ABHD2: variants seen among roughly 807,000 people sequenced by gnomAD.
The protein encoded by ABHD2 is monoacylglycerol lipase ABHD2.
In ABHD2, 20 loss-of-function variants were observed where a neutral mutation model predicts 48.1. The observed-to-expected ratio is 0.42, with a 90% CI of 0.29 to 0.60. The LOEUF (loss-of-function observed/expected upper bound fraction) is 0.60, where lower values mean the gene tolerates loss of function less well. Among genes scored for constraint, ABHD2 ranks in the 20% least tolerant of loss-of-function variants. The pLI is 0.24. For missense variants in ABHD2, 405 were observed against 550.9 expected, an observed-to-expected ratio of 0.74 and a Z score of 2.65; for synonymous variants, 209 against 214.2, an observed-to-expected ratio of 0.98 and a Z score of 0.21.
chr15:89,191,246 A>C, intron 9 of ABHD2, 97 bp downstream of exon 9: 58 of 1,270,886 alleles, frequency 4.6e-5, no homozygotes, highest in Non-Finnish European at 5.8e-5. Flanking sequence ...GTGGAAGCTC[A>C]GCTGGAATCT....
Position 89,183,384 on chromosome 15 carries a change from A to AAAAAAAATATATAT in ABHD2, c.723-2039_723-2038insAAAAAATATATATA, listed in dbSNP as rs61602174. On this transcript the variant is annotated intron_variant, in intron 6 of 10. Transcript: ENST00000352732. ...AGTCCTTTTCAAAAAAAAAAAAAAA[A>AAAAAAAATATATAT]ATATATATATATATATATATATATA... 43 of 46,258 alleles carry AAAAAAAATATATAT rather than the reference A, an allele frequency of 9.3e-4. 2 individuals are homozygous for AAAAAAAATATATAT. The highest frequency in any genetic ancestry group is 1.6e-3 in the East Asian group (2 of 1,286). The allele number at this position is 46,258 out of a possible 1,614,324, so 2.9% of individuals were successfully genotyped here.
chr15:89,089,002 C>T (rs1368259819), intron 1 of ABHD2, among the ~76,000 whole-genome samples: 14 of 152,242 alleles, frequency 9.2e-5, no homozygotes, highest in Non-Finnish European at 2.1e-4. Context: ...TTTCGGGGCT[C>T]CAGGGGCTCA....
chr15:89,077,269 C>T, the ABHD2 span, among the ~76,000 whole-genome samples: 1 of 152,300 alleles, frequency 6.6e-6, no homozygotes, highest in Non-Finnish European at 1.5e-5. Flanking sequence ...GGATGACTGG[C>T]TTCTTTCACT....
chr15:89,071,811 C>T, the ABHD2 span, among the ~76,000 whole-genome samples: 1 of 152,196 alleles, frequency 6.6e-6, no homozygotes, highest in Non-Finnish European at 1.5e-5. Context: ...GTTTATCCTA[C>T]AGGGTCCCTC....
In ABHD2 at chr15:89,195,457, C is replaced by T. The variant is rs773912235; in HGVS notation, c.*34C>T. The T allele has an allele frequency of 6.3e-6, 10 of 1,598,004 alleles. No individual in the cohort carries two copies. The highest frequency in any genetic ancestry group is 2.7e-5 in the African/African-American group (2 of 74,592). The stretch of plus-strand genomic sequence containing the variant: ...GACTCTGGCACGCTCCAGCAGCCCT[C>T]CTCTGGAAGCTGCGTCCCCTCACCC... On this transcript the variant is annotated 3_prime_UTR_variant, in exon 11 of 11. Coordinates refer to ENST00000352732, the MANE Select transcript of ABHD2 (RefSeq NM_152924.5). This position sits in a 1 kb window ranked among gnomAD's most constrained non-coding sequence, Gnocchi z 5.1.
intron 3 of ABHD2, among the ~76,000 whole-genome samples, chr15:89,135,145 T>TTTCTTG (rs376776426): frequency 1.0e-5 from 1 of 99,002 alleles, no homozygotes; most frequent in African/African-American, 3.2e-5. Flanking sequence ...AACTTTTTCT[T>TTTCTTG]TTTTTTTTTT....
In ABHD2 at chr15:89,186,362, T is replaced by G. The variant is rs908087787; in HGVS notation, c.815+846T>G. Among the ~76,000 whole-genome samples, 1 of 152,192 alleles carries G rather than the reference T, an allele frequency of 6.6e-6. No individual in the cohort carries two copies. The highest frequency in any genetic ancestry group is 1.5e-5 in the Non-Finnish European group (1 of 68,026). On this transcript the variant is annotated intron_variant, in intron 7 of 10. Coordinates refer to ENST00000352732, the MANE Select transcript of ABHD2 (RefSeq NM_152924.5). The surrounding 1 kb of genome is among the most constrained non-coding windows in gnomAD (Gnocchi z 4.3). ...TGTTATGCATAGCACCAGATAAATA[T>G]TAGCAATGACTTTTTCATTATGATT...
At chr15:89,078,673 A>T in the ABHD2 span, among the ~76,000 whole-genome samples, 1 of 151,312 alleles carries the variant, frequency 6.6e-6, no homozygotes, top group Non-Finnish European at 1.5e-5. Context: ...TATCCTCCTG[A>T]TGAACTACCC....
chr15:89,127,392 C>A (rs940923186), intron 3 of ABHD2, among the ~76,000 whole-genome samples: 4 of 152,038 alleles, frequency 2.6e-5, no homozygotes, highest in Non-Finnish European at 4.4e-5. Context: ...TGTAGCCTCC[C>A]AGGAAGGGAG....
rs1365167376 is a variant in ABHD2, at chr15:89,200,740, G to GA, written c.*5320dup. 2 of 230,982 alleles carry GA rather than the reference G, an allele frequency of 8.7e-6. No individual in the cohort carries two copies. The highest frequency in any genetic ancestry group is 4.7e-5 in the African/African-American group (2 of 42,570). 14.3% of individuals were successfully genotyped at this position (230,982 alleles called of 1,614,324 possible). A position where few individuals can be genotyped will look rare whatever the true frequency, so the allele number is the denominator to read the frequency against. On this transcript the variant is annotated 3_prime_UTR_variant, in exon 11 of 11. Transcript: ENST00000352732. ...TCTTCTGGTCAAGAGAAAAAAAAAA[G>GA]AAATAGCACTCTGCATGCTTTGCTC...
At position 89,197,091 on chromosome 15, in the gene ABHD2, C is replaced by T. The variant is rs1048776306; in HGVS notation, c.*1668C>T. 1 of 152,672 alleles carries T rather than the reference C, an allele frequency of 6.5e-6. No homozygotes were observed. The highest frequency in any genetic ancestry group is 1.5e-5 in the Non-Finnish European group (1 of 68,066). 9.5% of individuals were successfully genotyped at this position (152,672 alleles called of 1,614,324 possible). ...GGCGCCTGAGTGCCAACCCTCAGGG[C>T]CACAGGTGGGTGTGGTTTGGGCACG... On this transcript the variant is annotated 3_prime_UTR_variant, in exon 11 of 11. Transcript: ENST00000352732. The surrounding 1 kb of genome is among the most constrained non-coding windows in gnomAD (Gnocchi z 4.4).
intron 3 of ABHD2, among the ~76,000 whole-genome samples, chr15:89,125,172 C>G (rs912066584): frequency 6.6e-6 from 1 of 151,788 alleles, no homozygotes; most frequent in Non-Finnish European, 1.5e-5. Context: ...AGAAGAATCA[C>G]TTGAACCTGT....
chr15:89,162,015 G>T (rs538765221), intron 5 of ABHD2, among the ~76,000 whole-genome samples: 1 of 152,226 alleles, frequency 6.6e-6, no homozygotes, highest in African/African-American at 2.4e-5. Flanking sequence ...ATCTCTCTGT[G>T]TCCTAATCTC....
the ABHD2 span, among the ~76,000 whole-genome samples, chr15:89,045,614 A>G: frequency 6.6e-6 from 1 of 152,162 alleles, no homozygotes; most frequent in African/African-American, 2.4e-5. Context: ...GAGGTCCTTC[A>G]CATCCCTTGT....
the ABHD2 span, among the ~76,000 whole-genome samples, chr15:89,049,553 T>C: frequency 6.6e-6 from 1 of 152,246 alleles, no homozygotes; most frequent in African/African-American, 2.4e-5. Flanking sequence ...TCCGTGGGCG[T>C]AGGACCCTCT....
At position 89,185,281 on chromosome 15, in the gene ABHD2, G is replaced by C. The variant is rs2051187310; in HGVS notation, c.723-143G>C. 3.2e-6 allele frequency: 2 copies of C among 625,754 alleles called. No individual in the cohort carries two copies. Among genetic ancestry groups the C allele is most frequent in the Admixed American group, 3.0e-5 (1 of 33,824 alleles). 38.8% of individuals were successfully genotyped at this position (625,754 alleles called of 1,614,324 possible). On this transcript the variant is annotated intron_variant, in intron 6 of 10. Coordinates refer to ENST00000352732, the MANE Select transcript of ABHD2 (RefSeq NM_152924.5). This position sits in a 1 kb window ranked among gnomAD's most constrained non-coding sequence, Gnocchi z 5.9. Reference sequence around the variant, plus strand: ...ACAGGTGTTTGAGCTCTGCACATTAGAGCCTCTGTTTTAATGCAGAGGCCA... The same window carrying C: ...ACAGGTGTTTGAGCTCTGCACATTACAGCCTCTGTTTTAATGCAGAGGCCA...
Position 89,198,121 on chromosome 15 carries a change from T to G in ABHD2, c.*2698T>G, listed in dbSNP as rs530582690. ...TCTTCCCAAAGTCATTCATTTCTGA[T>G]GAGTATATGAATCCCCCTCTTGCTA... is the stretch of plus-strand genomic sequence containing the variant. On this transcript the variant is annotated 3_prime_UTR_variant, in exon 11 of 11. Transcript: ENST00000352732. This position sits in a 1 kb window ranked among gnomAD's most constrained non-coding sequence, Gnocchi z 5.1. 3.9e-5 allele frequency: 6 copies of G among 152,352 alleles called. No homozygotes were observed. The East Asian group carries it at 1.2e-3, about 29-fold the overall frequency. 9.4% of individuals were successfully genotyped at this position (152,352 alleles called of 1,614,324 possible).
chr15:89,053,141 T>G, the ABHD2 span, among the ~76,000 whole-genome samples: 1 of 152,056 alleles, frequency 6.6e-6, no homozygotes, highest in Non-Finnish European at 1.5e-5. Context: ...CAATTTTTTG[T>G]ATTTTTAGTA....
chr15:89,148,380 C>T (rs541306956), intron 3 of ABHD2, among the ~76,000 whole-genome samples: 2 of 152,134 alleles, frequency 1.3e-5, no homozygotes, highest in South Asian at 4.2e-4. Context: ...CAACCTTAAA[C>T]ACAAGTTGAA....
Sources: gnomAD v4.1 joint callset for allele counts (sites outside exome capture counted in the v4.1 genomes callset) on GRCh38, gnomAD v4.1.1 for gene constraint, Gnocchi (gnomAD v3.1) non-coding constraint, MANE v1.5 for transcripts, NCBI Gene and HGNC (gene_info 2026-07-23, HGNC 2026-07-21) for gene names.